The following SPAG16 variants were observed in gnomAD, a reference collection of about 807,000 sequenced individuals.
The protein encoded by SPAG16 is sperm associated antigen 16.
Under a neutral mutation model 80.4 loss-of-function variants are expected in SPAG16, and 86 were observed. The ratio of observed to expected loss-of-function variants is 1.07; its 90% confidence interval spans 0.90 to 1.28. The LOEUF (loss-of-function observed/expected upper bound fraction) is 1.28, where lower values mean the gene tolerates loss of function less well. Ranked by LOEUF, SPAG16 falls within the 50% of genes most tolerant of loss-of-function variation. The pLI, the probability that SPAG16 is intolerant of heterozygous loss-of-function variation, is 0.00. For missense variants in SPAG16, 870 were observed against 765.3 expected, an observed-to-expected ratio of 1.14 and a Z score of -1.61; for synonymous variants, 294 against 265.9, an observed-to-expected ratio of 1.11 and a Z score of -1.03.
intron 10 of SPAG16, among the ~76,000 whole-genome samples, chr2:213,531,310 G>C (rs986769956): frequency 1.5e-4 from 22 of 151,648 alleles, no homozygotes; most frequent in Admixed American, 6.6e-4. Context: ...TAACCTATCA[G>C]CCTTTGTTTT....
chr2:213,450,689 A>G (rs1396134887), intron 9 of SPAG16, among the ~76,000 whole-genome samples: 1 of 152,108 alleles, frequency 6.6e-6, no homozygotes, highest in Non-Finnish European at 1.5e-5. Flanking sequence ...TTTTAGCATT[A>G]TGTGTTTGCC....
At chr2:213,489,311 G>A (rs978989201) in intron 9 of SPAG16, among the ~76,000 whole-genome samples, 2 of 151,970 alleles carry the variant, frequency 1.3e-5, no homozygotes, top group Non-Finnish European at 2.9e-5. Context: ...TTCCACTGAG[G>A]AAGGACTACT....
chr2:213,940,127 T>C (rs2079139041), intron 12 of SPAG16, among the ~76,000 whole-genome samples: 1 of 152,184 alleles, frequency 6.6e-6, no homozygotes, highest in African/African-American at 2.4e-5. Flanking sequence ...ACAAAACATA[T>C]AATTATATAA....
intron 5 of SPAG16, among the ~76,000 whole-genome samples, chr2:213,338,488 A>C (rs1201314716): frequency 6.6e-6 from 1 of 152,218 alleles, no homozygotes; most frequent in South Asian, 2.1e-4. Context: ...GCAAAGACAC[A>C]CATAGACTTA....
intron 15 of SPAG16, among the ~76,000 whole-genome samples, chr2:214,359,461 A>T (rs1468046712): frequency 6.6e-6 from 1 of 151,930 alleles, no homozygotes; most frequent in Non-Finnish European, 1.5e-5. Context: ...AGTTAATACA[A>T]CTTTAGAGCA....
At chr2:213,436,562 GTTTA>G (rs1357510295) in intron 9 of SPAG16, among the ~76,000 whole-genome samples, 2 of 151,970 alleles carry the variant, frequency 1.3e-5, no homozygotes, top group Admixed American at 6.6e-5. Context: ...TAGCTCATGA[GTTTA>G]TTTGAGGGTT....
At chr2:213,780,420 C>T (rs780694848) in intron 10 of SPAG16, among the ~76,000 whole-genome samples, 10 of 152,062 alleles carry the variant, frequency 6.6e-5, no homozygotes, top group Admixed American at 1.3e-4. Flanking sequence ...GGCATCTTCT[C>T]CTCTTGGGGA....
intron 12 of SPAG16, among the ~76,000 whole-genome samples, chr2:213,937,002 T>C (rs924969171): frequency 2.0e-5 from 3 of 152,138 alleles, no homozygotes; most frequent in African/African-American, 7.2e-5. Context: ...TATGATGAAT[T>C]ACCTTCTGTT....
chr2:213,936,201 T>C (rs972309797), intron 12 of SPAG16, among the ~76,000 whole-genome samples: 2 of 152,062 alleles, frequency 1.3e-5, no homozygotes, highest in African/African-American at 4.8e-5. Context: ...GCATGACCCA[T>C]GTGACTGCTA....
intron 10 of SPAG16, among the ~76,000 whole-genome samples, chr2:213,745,523 G>A (rs1271309515): frequency 6.6e-6 from 1 of 152,082 alleles, no homozygotes; most frequent in African/African-American, 2.4e-5. Context: ...GAGTACAGGC[G>A]TGAGCCACTG....
At chr2:213,615,556 A>G (rs960898184) in intron 10 of SPAG16, among the ~76,000 whole-genome samples, 5 of 152,192 alleles carry the variant, frequency 3.3e-5, no homozygotes, top group African/African-American at 9.7e-5. Flanking sequence ...ATGCCACTGC[A>G]CTCCAGCATA....
intron 15 of SPAG16, among the ~76,000 whole-genome samples, chr2:214,351,086 G>C (rs1044495527): frequency 8.5e-5 from 13 of 152,064 alleles, no homozygotes; most frequent in African/African-American, 3.1e-4. Context: ...TTGGGAATGA[G>C]GATGTATGAT....
intron 15 of SPAG16, among the ~76,000 whole-genome samples, chr2:214,380,163 T>C (rs1700366359): frequency 1.3e-5 from 2 of 152,158 alleles, no homozygotes; most frequent in Non-Finnish European, 2.9e-5. Flanking sequence ...TACAGAAAAC[T>C]TTTCCTTAAA....
At chr2:214,397,174 T>TG (rs896874305) in intron 15 of SPAG16, among the ~76,000 whole-genome samples, 4 of 149,774 alleles carry the variant, frequency 2.7e-5, no homozygotes, top group Non-Finnish European at 4.5e-5. Flanking sequence ...TTTTTTTTTT[T>TG]GAGATGGAGT....
At chr2:214,092,749 A>G (rs958086684) in intron 13 of SPAG16, among the ~76,000 whole-genome samples, 4 of 151,958 alleles carry the variant, frequency 2.6e-5, no homozygotes, top group African/African-American at 7.3e-5. Context: ...TGAAATTGCA[A>G]TTTCCATTTC....
intron 10 of SPAG16, among the ~76,000 whole-genome samples, chr2:213,731,153 GTTTT>G (rs57074369): frequency 6.5e-5 from 7 of 107,088 alleles, no homozygotes; most frequent in Non-Finnish European, 9.1e-5. Context: ...TTATATCTGA[GTTTT>G]TTTTTTTTTT....
rs61608932 is a variant in SPAG16 at position 213,643,348 on chromosome 2, TTATA to T, written c.1070+153318_1070+153321del. Among the ~76,000 whole-genome samples the T allele has an allele frequency of 3.2e-3, 126 of 38,934 alleles. 1 individual carries two copies. Among genetic ancestry groups the T allele is most frequent in the Non-Finnish European group, 4.3e-3 (90 of 21,176 alleles). The allele number at this position is 38,934 out of a possible 152,430, so 25.5% of individuals were successfully genotyped here. On this transcript the variant is annotated intron_variant, in intron 10 of 15. Transcript: ENST00000331683. ...CTGCCAGATGTATTGGATCTTAATT[TTATA>T]TATATATATATATATATATATATAT... is the stretch of plus-strand genomic sequence containing the variant.
chr2:214,386,237 T>C (rs1221303229), intron 15 of SPAG16, among the ~76,000 whole-genome samples: 3 of 151,638 alleles, frequency 2.0e-5, no homozygotes, highest in African/African-American at 7.3e-5. Flanking sequence ...TAGCCGGGCA[T>C]GGTGGCATTC....
chr2:213,766,305 G>A (rs1394866095), intron 10 of SPAG16, among the ~76,000 whole-genome samples: 2 of 152,194 alleles, frequency 1.3e-5, no homozygotes, highest in African/African-American at 4.8e-5. Context: ...CAATGTTCTG[G>A]AGTTAGATAG....
Sources: allele counts gnomAD v4.1 joint callset (sites outside exome capture counted in the v4.1 genomes callset), GRCh38; gene constraint gnomAD v4.1.1; transcripts MANE v1.5; gene names NCBI Gene and HGNC (gene_info 2026-07-23, HGNC 2026-07-21).